The following ANKRD11 variants were observed in gnomAD, a reference collection of about 807,000 sequenced individuals.
The protein encoded by ANKRD11 is ankyrin repeat domain-containing protein 11.
A neutral mutation model predicts 195.7 loss-of-function variants in ANKRD11; 17 were observed. The ratio of observed to expected loss-of-function variants is 0.09; its 90% CI spans 0.06 to 0.13. The LOEUF (loss-of-function observed/expected upper bound fraction) is 0.13, where lower values mean the gene tolerates loss of function less well. Ranked by LOEUF, ANKRD11 falls within the 10% of genes least tolerant of loss-of-function variation. ANKRD11 has a pLI of 1.00. For synonymous variants in ANKRD11, 1,953 were observed against 1,528.1 expected, an observed-to-expected ratio of 1.28 and a Z score of -6.49; for missense variants, 3,735 against 3,566.1, an observed-to-expected ratio of 1.05 and a Z score of -1.21.
chr16:89,340,869 CAG>C (rs1026795192), intron 2 of ANKRD11, among the ~76,000 whole-genome samples: 2 of 152,160 alleles, frequency 1.3e-5, no homozygotes, highest in East Asian at 1.9e-4. Flanking sequence ...GCCCAATTCT[CAG>C]AGAGTCCAGA....
intron 12 of ANKRD11, 37 bp from the exon 13 acceptor site, chr16:89,268,700 G>C (rs757939041): frequency 6.4e-7 from 1 of 1,558,638 alleles, no homozygotes; most frequent in Non-Finnish European, 8.7e-7. Flanking sequence ...GGGAGGAGGA[G>C]TGAAGGGAGA....
At chr16:89,295,803 G>A (rs1346892769) in intron 4 of ANKRD11, among the ~76,000 whole-genome samples, 1 of 143,032 alleles carries the variant, frequency 7.0e-6, no homozygotes, top group African/African-American at 2.6e-5. Flanking sequence ...ACCTTCCCGA[G>A]GGGTGCTCTG....
chr16:89,418,955 C>G (rs185756571), intron 1 of ANKRD11, among the ~76,000 whole-genome samples: 2 of 152,074 alleles, frequency 1.3e-5, no homozygotes, highest in East Asian at 3.9e-4. Context: ...CTCCTGACCT[C>G]AGGTGTTCCA....
chr16:89,324,103 G>C, intron 2 of ANKRD11: 1 of 472,032 alleles, frequency 2.1e-6, no homozygotes, highest in Non-Finnish European at 3.2e-6. Flanking sequence ...GCCGGCCTCG[G>C]CCTCCCAAAG....
intron 2 of ANKRD11, among the ~76,000 whole-genome samples, chr16:89,368,383 T>G (rs959961348): frequency 0.03 from 3,957 of 132,136 alleles, 216 homozygotes; most frequent in African/African-American, 0.11. Flanking sequence ...TTTTTTTTTT[T>G]TTTTTTTTTT....
At chr16:89,485,095 C>G (rs1359052328) in intron 1 of ANKRD11, among the ~76,000 whole-genome samples, 1 of 152,036 alleles carries the variant, frequency 6.6e-6, no homozygotes, top group Non-Finnish European at 1.5e-5. Flanking sequence ...CCTCTAGGCC[C>G]CTGAAAAATC....
chr16:89,447,596 C>G (rs193190392), intron 1 of ANKRD11, among the ~76,000 whole-genome samples: 1 of 152,090 alleles, frequency 6.6e-6, no homozygotes, highest in Non-Finnish European at 1.5e-5. Context: ...CTCTTGGCCT[C>G]GTACCCTAAG....
intron 11 of ANKRD11, among the ~76,000 whole-genome samples, chr16:89,273,702 A>G (rs1409721983): frequency 1.3e-5 from 2 of 152,212 alleles, no homozygotes; most frequent in Non-Finnish European, 2.9e-5. Context: ...TCACAAAAAA[A>G]AAAAGGAAAA....
At chr16:89,414,754 G>T (rs145812356) in intron 2 of ANKRD11, among the ~76,000 whole-genome samples, 1 of 152,256 alleles carries the variant, frequency 6.6e-6, no homozygotes, top group Non-Finnish European at 1.5e-5. Flanking sequence ...CTCAGGGCAG[G>T]ACCAGCCTAG....
chr16:89,473,760 C>T (rs2057165093), intron 1 of ANKRD11, among the ~76,000 whole-genome samples: 1 of 152,186 alleles, frequency 6.6e-6, no homozygotes, highest in Admixed American at 6.5e-5. Context: ...GTGAGCCTGG[C>T]AATCTCCCCA....
Position 89,286,746 on chromosome 16 carries a change from C to G in ANKRD11, c.745-560G>C, listed in dbSNP as rs1384423423. 6.2e-6 allele frequency: 8 copies of G among 1,286,796 alleles called. No homozygotes were observed. In the South Asian group the frequency reaches 9.9e-5, roughly 16 times the overall value. 79.7% of individuals were successfully genotyped at this position (1,286,796 alleles called of 1,614,324 possible). A position where few individuals can be genotyped will look rare whatever the true frequency, so the allele number is the denominator to read the frequency against. ...TTGATTTTACAAGGGTAAGGGTGGT[C>G]ACATGACTGACAGAGACAACCATGG... On this transcript the variant is annotated intron_variant, in intron 7 of 12. Coordinates refer to ENST00000301030, the MANE Select transcript of ANKRD11 (RefSeq NM_013275.6).
At chr16:89,467,866 T>C (rs2056938502) in intron 1 of ANKRD11, among the ~76,000 whole-genome samples, 1 of 152,184 alleles carries the variant, frequency 6.6e-6, no homozygotes, top group Admixed American at 6.5e-5. Flanking sequence ...AGTGGCGTGA[T>C]CTCAGCTCAC....
At chr16:89,415,571 C>CT (rs1408823601) in intron 2 of ANKRD11, among the ~76,000 whole-genome samples, 1 of 151,538 alleles carries the variant, frequency 6.6e-6, no homozygotes, top group Non-Finnish European at 1.5e-5. Flanking sequence ...GCAAGCTATT[C>CT]TTTTTTTAAA....
chr16:89,296,824 C>T (rs768831485), intron 4 of ANKRD11, among the ~76,000 whole-genome samples: 11 of 152,044 alleles, frequency 7.2e-5, no homozygotes, highest in Non-Finnish European at 1.3e-4. Flanking sequence ...GAGTGTGGGG[C>T]ACTTCCAGCA....
At chr16:89,407,435 T>G (rs896283662) in intron 2 of ANKRD11, among the ~76,000 whole-genome samples, 2 of 151,850 alleles carry the variant, frequency 1.3e-5, no homozygotes, top group African/African-American at 4.8e-5. Context: ...TTCCCAGCAT[T>G]TCCTGCCAGC....
Position 89,490,295 on chromosome 16 carries a change from GCGCTGCCCATGCAGCC to G in ANKRD11, c.-211_-196del, listed in dbSNP as rs2057787072. ...GCGACGGCTCAGCGGCGGGGCGCGG[GCGCTGCCCATGCAGCC>G]CGCGGCCGCGTTTCCCGGGCCGCGC... is the stretch of plus-strand genomic sequence containing the variant. On this transcript the variant is annotated 5_prime_UTR_variant, in exon 1 of 13. An upstream start codon of the reference 5' UTR is lost. Transcript: ENST00000301030. 1 of 148,944 alleles carries G rather than the reference GCGCTGCCCATGCAGCC, an allele frequency of 6.7e-6. No homozygotes were observed. The highest frequency in any genetic ancestry group is 6.7e-5 in the Admixed American group (1 of 14,900). The allele number at this position is 148,944 out of a possible 1,614,324, so 9.2% of individuals were successfully genotyped here.
chr16:89,457,095 G>A (rs936188138), intron 1 of ANKRD11, among the ~76,000 whole-genome samples: 3 of 148,992 alleles, frequency 2.0e-5, no homozygotes, highest in Non-Finnish European at 4.5e-5. Flanking sequence ...AAGTAGCTGG[G>A]ACTACAGGCG....
At chr16:89,328,862 G>GCA (rs2037891502) in intron 2 of ANKRD11, 1 of 121,520 alleles carries the variant, frequency 8.2e-6, no homozygotes, top group Non-Finnish European at 1.7e-5. Flanking sequence ...CGAAATCAGT[G>GCA]GAGGCCCCTG....
chr16:89,389,369 T>C (rs898099143), intron 2 of ANKRD11, among the ~76,000 whole-genome samples: 7 of 151,704 alleles, frequency 4.6e-5, no homozygotes, highest in Non-Finnish European at 8.8e-5. Context: ...ATAAAAAGTA[T>C]ATTGAAAAAA....
Sources: gnomAD v4.1 joint callset for allele counts (sites outside exome capture counted in the v4.1 genomes callset) on GRCh38, gnomAD v4.1.1 for gene constraint, MANE v1.5 for transcripts, NCBI Gene and HGNC (gene_info 2026-07-23, HGNC 2026-07-21) for gene names.